C8orf34: variants seen among roughly 807,000 people sequenced by gnomAD.
C8orf34 encodes the protein uncharacterized protein C8orf34.
Under a neutral mutation model 68.3 loss-of-function variants are expected in C8orf34, and 65 were observed. The observed-to-expected ratio is 0.95, with a 90% CI of 0.78 to 1.17. The LOEUF (loss-of-function observed/expected upper bound fraction) is 1.17. Among genes scored for constraint, C8orf34 ranks in the 50% most tolerant of loss-of-function variants. The pLI is 0.00. For missense variants in C8orf34, 664 were observed against 655.4 expected, an observed-to-expected ratio of 1.01 and a Z score of -0.14; for synonymous variants, 244 against 241.2, an observed-to-expected ratio of 1.01 and a Z score of -0.11.
chr8:68,809,092 G>A lies in C8orf34; in HGVS notation c.1550-6794G>A, dbSNP rs142154119. ...GCTAAGGTCTTGCTTCTTCCCGGTGGTCCCAGACTAGTAAATTGCAGAGAA... is the reference window on the plus strand; with the variant it reads ...GCTAAGGTCTTGCTTCTTCCCGGTGATCCCAGACTAGTAAATTGCAGAGAA... On this transcript the variant is annotated intron_variant, in intron 12 of 13. Transcript: ENST00000518698. 3.4e-3 allele frequency among the ~76,000 whole-genome samples: 525 copies of A among 152,222 alleles called. 2 individuals carry two copies. The highest frequency in any genetic ancestry group is 5.8e-3 in the Non-Finnish European group (392 of 68,008).
intron 1 of C8orf34, among the ~76,000 whole-genome samples, chr8:68,411,481 T>C (rs1236843013): frequency 6.6e-6 from 1 of 152,186 alleles, no homozygotes; most frequent in Non-Finnish European, 1.5e-5. Flanking sequence ...TGAACTCAAT[T>C]TGGACTCAGC....
intron 10 of C8orf34, among the ~76,000 whole-genome samples, chr8:68,729,966 AG>A (rs1232412029): frequency 6.6e-6 from 1 of 152,110 alleles, no homozygotes; most frequent in Admixed American, 6.6e-5. Flanking sequence ...CATATTTTAG[AG>A]GGCTTGTGAT....
chr8:68,702,433 T>A (rs966474604), intron 8 of C8orf34, among the ~76,000 whole-genome samples: 4 of 152,216 alleles, frequency 2.6e-5, no homozygotes, highest in Non-Finnish European at 5.9e-5. Context: ...CATCTGAATT[T>A]ATCTTACCTA....
At chr8:68,810,816 G>A (rs761805425) in intron 12 of C8orf34, among the ~76,000 whole-genome samples, 5 of 152,224 alleles carry the variant, frequency 3.3e-5, no homozygotes, top group Admixed American at 6.5e-5. Flanking sequence ...AGGTGGTCCC[G>A]ACATTTGACC....
intron 5 of C8orf34, among the ~76,000 whole-genome samples, chr8:68,501,476 T>G (rs1813769563): frequency 6.6e-6 from 1 of 152,202 alleles, no homozygotes; most frequent in South Asian, 2.1e-4. Context: ...GGGGACATTG[T>G]ACTTTCTTCA....
intron 9 of C8orf34, among the ~76,000 whole-genome samples, chr8:68,720,031 A>G (rs1328290767): frequency 1.3e-5 from 2 of 151,982 alleles, no homozygotes. Context: ...TAGAGCTTCA[A>G]GTATTCTTTA....
At chr8:68,611,368 GA>G (rs149638372) in intron 7 of C8orf34, among the ~76,000 whole-genome samples, 1 of 152,074 alleles carries the variant, frequency 6.6e-6, no homozygotes, top group Non-Finnish European at 1.5e-5. Context: ...ATTTCTTTTG[GA>G]AAAAGGGAAA....
chr8:68,698,920 C>T (rs1820910894), intron 8 of C8orf34, among the ~76,000 whole-genome samples: 1 of 152,024 alleles, frequency 6.6e-6, no homozygotes, highest in African/African-American at 2.4e-5. Flanking sequence ...AAATTCTGGG[C>T]ATGTTGCAAT....
chr8:68,803,815 A>AT (rs1009075429), intron 12 of C8orf34, among the ~76,000 whole-genome samples: 131 of 151,288 alleles, frequency 8.7e-4, no homozygotes, highest in African/African-American at 2.9e-3. Flanking sequence ...TCAGTGGGTC[A>AT]TTTTTTTTTA....
At chr8:68,815,353 CATAT>C (rs34192587) in intron 12 of C8orf34, among the ~76,000 whole-genome samples, 1 of 151,284 alleles carries the variant, frequency 6.6e-6, no homozygotes, top group Non-Finnish European at 1.5e-5. Flanking sequence ...TGGGTACACA[CATAT>C]ATATATATAC....
chr8:68,680,698 G>A (rs1339529155), intron 8 of C8orf34, among the ~76,000 whole-genome samples: 1 of 152,090 alleles, frequency 6.6e-6, no homozygotes, highest in Non-Finnish European at 1.5e-5. Flanking sequence ...CAAGGCAAAG[G>A]GCAAAAGCAG....
At chr8:68,566,953 A>G (rs1816609306) in intron 7 of C8orf34, among the ~76,000 whole-genome samples, 1 of 152,110 alleles carries the variant, frequency 6.6e-6, no homozygotes, top group Admixed American at 6.5e-5. Flanking sequence ...CGTATGTTAA[A>G]CCATCCCTGC....
intron 1 of C8orf34, among the ~76,000 whole-genome samples, chr8:68,377,756 G>A (rs773769025): frequency 6.6e-5 from 10 of 151,950 alleles, no homozygotes; most frequent in South Asian, 2.1e-4. Context: ...TTGTTCTCAC[G>A]CTGCTATGAA....
At chr8:68,361,873 A>G (rs901277346) in intron 1 of C8orf34, among the ~76,000 whole-genome samples, 1 of 152,234 alleles carries the variant, frequency 6.6e-6, no homozygotes, top group Non-Finnish European at 1.5e-5. Context: ...GAACCTTTCC[A>G]TGATTTCTAA....
At chr8:68,756,253 C>T (rs928984279) in intron 10 of C8orf34, among the ~76,000 whole-genome samples, 1 of 152,130 alleles carries the variant, frequency 6.6e-6, no homozygotes, top group Admixed American at 6.5e-5. Flanking sequence ...CTTTATTTTT[C>T]CTACATTTGC....
chr8:68,409,890 A>G (rs2129622053), intron 1 of C8orf34, among the ~76,000 whole-genome samples: 1 of 152,326 alleles, frequency 6.6e-6, no homozygotes, highest in South Asian at 2.1e-4. Context: ...TTAGATACAC[A>G]AATACTTACC....
chr8:68,669,170 G>T (rs145641738), intron 8 of C8orf34, among the ~76,000 whole-genome samples: 318 of 152,202 alleles, frequency 2.1e-3, no homozygotes, highest in African/African-American at 7.3e-3. Context: ...AACTCATCCT[G>T]CTTTCGATGA....
In C8orf34 at chr8:68,636,325, C is replaced by T. The variant is rs963577436; in HGVS notation, c.1106-4051C>T. 3.3e-5 allele frequency among the ~76,000 whole-genome samples: 5 copies of T among 151,996 alleles called. No individual in the cohort carries two copies. In the South Asian group the frequency reaches 8.3e-4, roughly 25 times the overall value. On this transcript the variant is annotated intron_variant, in intron 7 of 13. Transcript: ENST00000518698. ...GTGCAGTGGCTCACGCCTATAATCC[C>T]AGAACTTTGTGAGGGCAAGGTGGGC...
At chr8:68,705,912 G>C (rs1181841090) in intron 8 of C8orf34, among the ~76,000 whole-genome samples, 1 of 152,204 alleles carries the variant, frequency 6.6e-6, no homozygotes, top group Non-Finnish European at 1.5e-5. Context: ...ACAGGAGACA[G>C]GGCCTCTTGC....
Sources: gnomAD v4.1 joint callset for allele counts (sites outside exome capture counted in the v4.1 genomes callset) on GRCh38, gnomAD v4.1.1 for gene constraint, MANE v1.5 for transcripts, NCBI Gene and HGNC (gene_info 2026-07-23, HGNC 2026-07-21) for gene names.